WWOX: variants seen among roughly 807,000 people sequenced by gnomAD.
The protein encoded by WWOX is WW domain-containing oxidoreductase.
A neutral mutation model predicts 46.2 loss-of-function variants in WWOX; 69 were observed. That is an observed-to-expected ratio of 1.49 (90% CI 1.23 to 1.82). The LOEUF (loss-of-function observed/expected upper bound fraction) is 1.82. WWOX is among the 40% of genes most tolerant of loss of function. The pLI is 0.00. For missense variants in WWOX, 919 were observed against 542.6 expected, an observed-to-expected ratio of 1.69 and a Z score of -6.89; for synonymous variants, 359 against 202.6, an observed-to-expected ratio of 1.77 and a Z score of -6.56.
chr16:78,834,470 G>C (rs946414319), intron 8 of WWOX, among the ~76,000 whole-genome samples: 1 of 152,170 alleles, frequency 6.6e-6, no homozygotes, highest in Non-Finnish European at 1.5e-5. Context: ...GAGGTGTATA[G>C]GTTGCCATCC....
At position 78,669,079 on chromosome 16, in the gene WWOX, C is replaced by G. The variant is rs188694844; in HGVS notation, c.1056+236327C>G. On this transcript the variant is annotated intron_variant, in intron 8 of 8. Coordinates refer to ENST00000566780, the MANE Select transcript of WWOX (RefSeq NM_016373.4). The stretch of plus-strand genomic sequence containing the variant: ...GAAGGCCCTTCCACTGAAGCTACAA[C>G]TGGAGCTAAGCAGATGGATAAGCCA... 4.5e-3 allele frequency among the ~76,000 whole-genome samples: 689 copies of G among 152,338 alleles called. 3 individuals are homozygous for G. Among genetic ancestry groups the G allele is most frequent in the Non-Finnish European group, 7.7e-3 (522 of 68,040 alleles).
At chr16:79,151,505 C>G (rs188489166) in intron 8 of WWOX, among the ~76,000 whole-genome samples, 37 of 152,332 alleles carry the variant, frequency 2.4e-4, no homozygotes, top group African/African-American at 8.9e-4. Context: ...ACCGCTCCTT[C>G]TACATGATCA....
At chr16:79,060,900 A>T (rs967260137) in intron 8 of WWOX, among the ~76,000 whole-genome samples, 1 of 152,220 alleles carries the variant, frequency 6.6e-6, no homozygotes, top group African/African-American at 2.4e-5. Flanking sequence ...CCATTCTAAG[A>T]ACTTCCATCC....
intron 8 of WWOX, among the ~76,000 whole-genome samples, chr16:78,523,713 G>A (rs532341851): frequency 7.9e-5 from 12 of 152,188 alleles, no homozygotes; most frequent in Non-Finnish European, 1.6e-4. Context: ...ATGCTTCCCT[G>A]TTGAAAGATG....
intron 8 of WWOX, among the ~76,000 whole-genome samples, chr16:78,595,416 G>C (rs964265403): frequency 1.6e-4 from 25 of 151,992 alleles, no homozygotes; most frequent in African/African-American, 5.1e-4. Context: ...CCTGCAGCCT[G>C]TGGAACGTAA....
chr16:78,787,210 A>G (rs1162008758), intron 8 of WWOX, among the ~76,000 whole-genome samples: 1 of 152,218 alleles, frequency 6.6e-6, no homozygotes, highest in Non-Finnish European at 1.5e-5. Context: ...TTAAAGTGTA[A>G]AATTCAGTGA....
At chr16:78,129,367 A>G (rs866571128) in intron 4 of WWOX, among the ~76,000 whole-genome samples, 3 of 152,144 alleles carry the variant, frequency 2.0e-5, no homozygotes, top group Admixed American at 1.3e-4. Context: ...ACTATAATGG[A>G]CCACCACAAA....
At chr16:78,798,183 T>G (rs1298668870) in intron 8 of WWOX, among the ~76,000 whole-genome samples, 1 of 152,184 alleles carries the variant, frequency 6.6e-6, no homozygotes. Flanking sequence ...CCACGGCACC[T>G]TTGCCACAAC....
intron 8 of WWOX, among the ~76,000 whole-genome samples, chr16:78,931,267 G>GC (rs1268306885): frequency 1.3e-5 from 2 of 152,156 alleles, no homozygotes; most frequent in Non-Finnish European, 2.9e-5. Flanking sequence ...ACGCAGGTCA[G>GC]CATGCTCTAG....
intron 8 of WWOX, chr16:78,825,611 G>A: frequency 1.9e-6 from 1 of 525,828 alleles, no homozygotes; most frequent in South Asian, 1.5e-5. Flanking sequence ...TCCTAGGAGG[G>A]CTTACTGTGC....
intron 8 of WWOX, among the ~76,000 whole-genome samples, chr16:79,143,550 C>G (rs1465229131): frequency 6.6e-6 from 1 of 152,042 alleles, no homozygotes; most frequent in Non-Finnish European, 1.5e-5. Flanking sequence ...TTGATACATA[C>G]CAATGATTTA....
chr16:79,162,978 A>G (rs887594097), intron 8 of WWOX, among the ~76,000 whole-genome samples: 4 of 152,198 alleles, frequency 2.6e-5, no homozygotes, highest in Admixed American at 2.6e-4. Flanking sequence ...TTATGGATAG[A>G]TTTAGTTATT....
chr16:78,628,028 T>C (rs1431836852), intron 8 of WWOX, among the ~76,000 whole-genome samples: 2 of 152,218 alleles, frequency 1.3e-5, no homozygotes, highest in Non-Finnish European at 2.9e-5. Context: ...TTCAGTAAAC[T>C]GTGTTTAACC....
At chr16:78,722,073 A>G (rs568457291) in intron 8 of WWOX, among the ~76,000 whole-genome samples, 6 of 152,268 alleles carry the variant, frequency 3.9e-5, no homozygotes, top group South Asian at 2.1e-4. Context: ...AAGACTTTGT[A>G]TTATATTTTG....
chr16:78,220,834 C>T (rs1003854615), intron 5 of WWOX, among the ~76,000 whole-genome samples: 3 of 152,130 alleles, frequency 2.0e-5, no homozygotes, highest in African/African-American at 4.8e-5. Context: ...GAGAAACATG[C>T]CCATCATTTC....
At chr16:78,543,726 A>G (rs2043956126) in intron 8 of WWOX, among the ~76,000 whole-genome samples, 1 of 152,180 alleles carries the variant, frequency 6.6e-6, no homozygotes, top group Non-Finnish European at 1.5e-5. Flanking sequence ...TGTGGAGGGA[A>G]CATCCATCCT....
At chr16:78,767,382 G>A (rs888375805) in intron 8 of WWOX, among the ~76,000 whole-genome samples, 5 of 151,910 alleles carry the variant, frequency 3.3e-5, no homozygotes, top group East Asian at 1.9e-4. Context: ...TCATCCACCC[G>A]CCTGGGCTTC....
At chr16:78,661,612 T>C (rs1420935463) in intron 8 of WWOX, among the ~76,000 whole-genome samples, 1 of 137,336 alleles carries the variant, frequency 7.3e-6, no homozygotes, top group East Asian at 2.1e-4. Flanking sequence ...AGCCCTGTAA[T>C]AAATGTCTCT....
intron 8 of WWOX, among the ~76,000 whole-genome samples, chr16:78,972,952 A>G (rs1016395146): frequency 1.3e-5 from 2 of 152,198 alleles, no homozygotes; most frequent in Non-Finnish European, 2.9e-5. Context: ...CAAAAACTGC[A>G]GGTAAGGCAA....
Sources: gnomAD v4.1 joint callset for allele counts (sites outside exome capture counted in the v4.1 genomes callset) on GRCh38, gnomAD v4.1.1 for gene constraint, MANE v1.5 for transcripts, NCBI Gene and HGNC (gene_info 2026-07-23, HGNC 2026-07-21) for gene names.